The following VPS25 variants were observed in gnomAD, a reference collection of about 807,000 sequenced individuals.
VPS25 encodes the protein vacuolar protein sorting 25 homolog.
VPS25 carries 21 observed loss-of-function variants against 30.3 expected under a neutral mutation model. The observed-to-expected ratio is 0.69, with a 90% CI of 0.49 to 1.00. VPS25 has a LOEUF of 1.00. VPS25 is among the 50% of genes least tolerant of loss of function. The probability of loss-of-function intolerance (pLI) is 0.00; values close to 1 mark genes in which losing one functional copy is unlikely to be tolerated. For synonymous variants in VPS25, 101 were observed against 88.1 expected (o/e 1.15, Z -0.82); for missense variants, 156 against 217.2 (o/e 0.72, Z 1.77).
Position 42,779,006 on chromosome 17 carries a change from A to G in VPS25, c.468A>G (p.Leu156=). The G allele has an allele frequency of 6.2e-7, 1 of 1,611,916 alleles. No individual in the cohort carries two copies. Among genetic ancestry groups the G allele is most frequent in the Non-Finnish European group, 8.5e-7 (1 of 1,179,144 alleles). Residue 156 remains leucine, a synonymous_variant, in exon 6 of 6, where the codon CTA becomes CTG. Coordinates refer to ENST00000253794, the MANE Select transcript of VPS25 (RefSeq NM_032353.4). ...EATLLRALQA[L]QQEHKAEIIT... ...CTCTACTGCGGGCTCTGCAGGCCCT[A>G]CAGCAGGAGCACAAGGCCGAGATCA...
chr17:42,773,997 A>C, intron 2 of VPS25, 119 bp downstream of exon 2: 3 of 1,220,898 alleles, frequency 2.5e-6, no homozygotes, highest in Non-Finnish European at 3.4e-6. Flanking sequence ...TCCCACCCAA[A>C]CTGGACTTAA....
At chr17:42,778,825 T>C (rs1166798894) in intron 5 of VPS25, 132 bp from the exon 6 acceptor site, 1 of 668,144 alleles carries the variant, frequency 1.5e-6, no homozygotes, top group Admixed American at 2.7e-5. Context: ...GAAGTGTGGA[T>C]GGCAGCTGTA....
intron 3 of VPS25, chr17:42,774,977 G>T (rs1438460746): frequency 7.4e-6 from 3 of 406,032 alleles, no homozygotes; most frequent in African/African-American, 6.1e-5. Flanking sequence ...CTTTCTGAAA[G>T]CTGAGTCTCT....
At chr17:42,773,977 G>GT in intron 2 of VPS25, 99 bp downstream of exon 2, 2 of 1,418,524 alleles carry the variant, frequency 1.4e-6, no homozygotes, top group Non-Finnish European at 1.9e-6. Flanking sequence ...TTTACCCATG[G>GT]TAGGCAGATT....
intron 2 of VPS25, 87 bp downstream of exon 2, chr17:42,773,965 C>T: frequency 2.0e-6 from 3 of 1,487,208 alleles, no homozygotes; most frequent in Non-Finnish European, 2.7e-6. Context: ...CGCCAGCCCC[C>T]TTTTACCCAT....
rs1377761541 is a variant in VPS25, at chr17:42,773,490, C to T, written c.15C>T (p.Phe5=). The T allele has an allele frequency of 2.5e-6, 4 of 1,614,154 alleles. No individual in the cohort carries two copies. In the Admixed American group the frequency reaches 5.0e-5, roughly 20 times the overall value. The change falls in exon 1 of 6, where the codon TTC becomes TTT. Residue 5 remains phenylalanine, a synonymous_variant. Transcript: ENST00000253794. MAMS[F]EWPWQYRFPP... The stretch of plus-strand genomic sequence containing the variant: ...GGGCTACTACGATGGCGATGAGTTT[C>T]GAGTGGCCGTGGCAGTATCGCTTCC...
chr17:42,776,802 G>A (rs929346084), intron 5 of VPS25, among the ~76,000 whole-genome samples: 1 of 151,904 alleles, frequency 6.6e-6, no homozygotes, highest in African/African-American at 2.4e-5. Context: ...GATTCCATAA[G>A]CCACCTGAAT....
At chr17:42,778,931 G>A in intron 5 of VPS25, 26 bp from the exon 6 acceptor site, 2 of 1,609,530 alleles carry the variant, frequency 1.2e-6, no homozygotes, top group Non-Finnish European at 1.7e-6. Flanking sequence ...GGAGCTGATT[G>A]TCTCTGCCTA....
chr17:42,773,471 C>A lies in VPS25; in HGVS notation c.-5C>A. The A allele has an allele frequency of 6.2e-7, 1 of 1,614,180 alleles. No homozygotes were observed. The highest frequency in any genetic ancestry group is 8.5e-7 in the Non-Finnish European group (1 of 1,180,036). On this transcript the variant is annotated 5_prime_UTR_variant, in exon 1 of 6. Coordinates refer to ENST00000253794, the MANE Select transcript of VPS25 (RefSeq NM_032353.4). ...GGTAGCTTCCGGGTTTCCTGGGCTA[C>A]TACGATGGCGATGAGTTTCGAGTGG...
intron 3 of VPS25, 109 bp downstream of exon 3, chr17:42,774,808 G>C: frequency 1.1e-6 from 1 of 940,338 alleles, no homozygotes; most frequent in Non-Finnish European, 1.6e-6. Flanking sequence ...CTCCTGGCTT[G>C]AAGGCCAGAG....
At chr17:42,774,365 T>C in intron 2 of VPS25, 1 of 356,462 alleles carries the variant, frequency 2.8e-6, no homozygotes, top group Non-Finnish European at 4.9e-6. Flanking sequence ...CTAAAGCTTC[T>C]TTCTTTCTTT....
chr17:42,776,263 A>G lies in VPS25; in HGVS notation c.361A>G (p.Asn121Asp), dbSNP rs1280050591. The change falls in exon 5 of 6, where the codon AAC (asparagine) becomes GAC (aspartate). Residue 121 changes from asparagine (N) to aspartate (D), a missense_variant. By Grantham distance (23) the Asn-to-Asp change is conservative (BLOSUM62 1). Transcript: ENST00000253794. ...TTCACAGGTTTCCAGGAGTGGCCAG[A>G]ACAACTCCGTCTTTACCCTGTATGA... ...IYQWVSRSGQ[N>D]NSVFTLYELT... The G allele has an allele frequency of 3.1e-6, 5 of 1,613,498 alleles. No homozygotes were observed. Among genetic ancestry groups the G allele is most frequent in the Admixed American group, 3.3e-5 (2 of 60,000 alleles).
chr17:42,776,127 A>G, intron 4 of VPS25, 118 bp from the exon 5 acceptor site: 1 of 841,956 alleles, frequency 1.2e-6, no homozygotes, highest in Non-Finnish European at 1.9e-6. Context: ...CAGAGGCGAC[A>G]GTGAGTCCTG....
intron 3 of VPS25, 115 bp downstream of exon 3, chr17:42,774,814 CAG>C (rs1162152657): frequency 7.9e-6 from 7 of 891,414 alleles, no homozygotes; most frequent in Non-Finnish European, 1.2e-5. Flanking sequence ...GCTTGAAGGC[CAG>C]AGTCTTCTGT....
Position 42,776,311 on chromosome 17 carries a change from G to A in VPS25, c.409G>A (p.Glu137Lys). 2 of 1,613,444 alleles carry A rather than the reference G, an allele frequency of 1.2e-6. No individual in the cohort carries two copies. The highest frequency in any genetic ancestry group is 1.7e-6 in the Non-Finnish European group (2 of 1,179,936). ...TGAACTGACTAATGGGGAAGACACA[G>A]AGGATGAGGGTAATGCCTTTCCCTT... ...LYELTNGEDT[E>K]DEEFHGLDEA... Residue 137 changes from glutamate to lysine, a missense_variant, in exon 5 of 6, where the codon GAG becomes AAG. Physicochemically the swap from Glu to Lys is moderately conservative, Grantham distance 56 (BLOSUM62 1). Coordinates refer to ENST00000253794, the MANE Select transcript of VPS25 (RefSeq NM_032353.4).
At position 42,775,553 on chromosome 17, in the gene VPS25, C is replaced by G. The variant is rs1161554120; in HGVS notation, c.342+84C>G. 5.9e-6 allele frequency: 7 copies of G among 1,184,482 alleles called. No homozygotes were observed. The East Asian group carries it at 1.5e-4, about 26-fold the overall frequency. 73.4% of individuals were successfully genotyped at this position (1,184,482 alleles called of 1,614,324 possible). On this transcript the variant is annotated intron_variant, in intron 4 of 5. Coordinates refer to ENST00000253794, the MANE Select transcript of VPS25 (RefSeq NM_032353.4). ...TAGGGCCTAGCAGATAGCCGGTGTT[C>G]CCAGATCCAGACTGAGCAAAATGGG...
chr17:42,775,997 A>G (rs1226854779), intron 4 of VPS25, among the ~76,000 whole-genome samples: 2 of 152,236 alleles, frequency 1.3e-5, no homozygotes, highest in Non-Finnish European at 2.9e-5. Context: ...GAAAACAACC[A>G]GAATGAGAGG....
chr17:42,774,774 T>TTTCC, intron 3 of VPS25, 75 bp downstream of exon 3: 1 of 1,378,364 alleles, frequency 7.3e-7, no homozygotes, highest in African/African-American at 1.4e-5. Context: ...GATAAGTCTT[T>TTTCC]TTCCCTTTAA....
At chr17:42,776,433 G>T in intron 5 of VPS25, 113 bp downstream of exon 5, 1 of 949,832 alleles carries the variant, frequency 1.1e-6, no homozygotes, top group Non-Finnish European at 1.6e-6. Flanking sequence ...TGCAATCTCG[G>T]CTCACTGCAA....
Sources: allele counts gnomAD v4.1 joint callset (sites outside exome capture counted in the v4.1 genomes callset), GRCh38; gene constraint gnomAD v4.1.1; transcripts MANE v1.5; gene names NCBI Gene and HGNC (gene_info 2026-07-23, HGNC 2026-07-21).